The following FGF2 variants were observed in gnomAD, a reference collection of about 807,000 sequenced individuals.
The protein encoded by FGF2 is basic fibroblast growth factor bFGF.
A neutral mutation model predicts 15.9 loss-of-function variants in FGF2; 13 were observed. The observed-to-expected ratio is 0.82, with a 90% CI of 0.53 to 1.30. The LOEUF is 1.30. Among genes scored for constraint, FGF2 ranks in the 50% most tolerant of loss-of-function variants. FGF2 has a pLI of 0.00. For missense variants in FGF2, 163 were observed against 196.9 expected (o/e 0.83, Z 1.03); for synonymous variants, 90 against 78.4 (o/e 1.15, Z -0.78).
Position 122,827,516 on chromosome 4 carries a change from C to A in FGF2, c.178+164C>A, listed in dbSNP as rs1422280697. Among the ~76,000 whole-genome samples, 4 of 152,274 alleles carry A rather than the reference C, an allele frequency of 2.6e-5. No homozygotes were observed. In the East Asian group the frequency reaches 7.8e-4, roughly 30 times the overall value. On this transcript the variant is annotated intron_variant, in intron 1 of 2. Transcript: ENST00000644866. This position sits in a 1 kb window ranked among gnomAD's most constrained non-coding sequence, Gnocchi z 4.2. ...GGCGGTTTCGGGTTCACCACTCACCCCCTCCTTTCCGGGCTGCGGCGTAGG... is the reference window on the plus strand; with the variant it reads ...GGCGGTTTCGGGTTCACCACTCACCACCTCCTTTCCGGGCTGCGGCGTAGG...
At position 122,881,754 on chromosome 4, in the gene FGF2, C is replaced by T. The variant is rs149349771; in HGVS notation, c.282+5330C>T. 644 of 155,970 alleles carry T rather than the reference C, an allele frequency of 4.1e-3. 2 individuals are homozygous for T. The highest frequency in any genetic ancestry group is 7.3e-3 in the Non-Finnish European group (518 of 70,850). 9.7% of individuals were successfully genotyped at this position (155,970 alleles called of 1,614,324 possible). A position where few individuals can be genotyped will look rare whatever the true frequency, so the allele number is the denominator to read the frequency against. On this transcript the variant is annotated intron_variant, in intron 2 of 2. Coordinates refer to ENST00000644866, the MANE Select transcript of FGF2 (RefSeq NM_001361665.2). The stretch of plus-strand genomic sequence containing the variant: ...CCTATTCCAACCTTTGCCTGTTAAC[C>T]AGTTCCAAAGTCACTTCCACGTTTT...
upstream of FGF2, chr4:122,826,700 T>C (rs1488026632): frequency 1.6e-6 from 2 of 1,255,296 alleles, no homozygotes; most frequent in Admixed American, 8.2e-5. Context: ...ACCGCCGAAC[T>C]CAGAGGCCGG....
At chr4:122,878,489 G>A (rs1481753192) in intron 2 of FGF2, among the ~76,000 whole-genome samples, 1 of 152,184 alleles carries the variant, frequency 6.6e-6, no homozygotes, top group Non-Finnish European at 1.5e-5. Context: ...GTAACTAGGT[G>A]GAAGGGAAGG....
At chr4:122,880,559 T>C (rs1726942116) in intron 2 of FGF2, among the ~76,000 whole-genome samples, 2 of 152,014 alleles carry the variant, frequency 1.3e-5, no homozygotes, top group African/African-American at 4.8e-5. Flanking sequence ...AGCAGTCAAA[T>C]CTTAAAGCTC....
Position 122,892,507 on chromosome 4 carries a change from G to A in FGF2, c.*111G>A. On this transcript the variant is annotated 3_prime_UTR_variant, in exon 3 of 3. Coordinates refer to ENST00000644866, the MANE Select transcript of FGF2 (RefSeq NM_001361665.2). ...GTGTATAGCTCAGTTTGGATAATTG[G>A]TCAAACAATTTTTTATCCAGTAGTA... The A allele has an allele frequency of 6.5e-7, 1 of 1,542,344 alleles. No individual in the cohort carries two copies. Among genetic ancestry groups the A allele is most frequent in the Non-Finnish European group, 8.7e-7 (1 of 1,146,030 alleles).
At chr4:122,865,436 G>A (rs983920652) in intron 1 of FGF2, among the ~76,000 whole-genome samples, 4 of 152,174 alleles carry the variant, frequency 2.6e-5, no homozygotes, top group South Asian at 4.2e-4. Context: ...GATTACAGGC[G>A]CATGCCACCA....
Position 122,858,508 on chromosome 4 carries a change from C to T in FGF2, c.179-17813C>T, listed in dbSNP as rs186870780. Among the ~76,000 whole-genome samples the T allele has an allele frequency of 6.4e-4, 98 of 152,220 alleles. 2 individuals are homozygous for T. The South Asian group carries it at 6.8e-3, about 11-fold the overall frequency. On this transcript the variant is annotated intron_variant, in intron 1 of 2. Transcript: ENST00000644866. ...CGCCTCCTGGGTTCAAGTGATTCTC[C>T]TGCCTCAGCCTCCTGAGTAGCTGGG...
intron 1 of FGF2, chr4:122,840,253 A>G (rs1467882294): frequency 6.6e-6 from 1 of 152,188 alleles, no homozygotes; most frequent in Non-Finnish European, 1.5e-5. Flanking sequence ...TACTCTGTCT[A>G]GTTGTTCAGC....
intron 1 of FGF2, among the ~76,000 whole-genome samples, chr4:122,871,984 T>C (rs1726747129): frequency 1.3e-5 from 2 of 152,032 alleles, no homozygotes; most frequent in South Asian, 4.2e-4. Flanking sequence ...GATCGCAATG[T>C]CTCTCCATCA....
Position 122,827,450 on chromosome 4 carries a change from C to G in FGF2, c.178+98C>G, listed in dbSNP as rs1725666914. On this transcript the variant is annotated intron_variant, in intron 1 of 2. Coordinates refer to ENST00000644866, the MANE Select transcript of FGF2 (RefSeq NM_001361665.2). The surrounding 1 kb of genome is among the most constrained non-coding windows in gnomAD (Gnocchi z 4.2). ...GCACCCTCCTCCCGGATCTTCACTGCGACCCTAGCGCTCCGTGTGGTTTCT... is the reference window on the plus strand; with the variant it reads ...GCACCCTCCTCCCGGATCTTCACTGGGACCCTAGCGCTCCGTGTGGTTTCT... The G allele has an allele frequency of 2.9e-6, 4 of 1,369,488 alleles. No homozygotes were observed. Among genetic ancestry groups the G allele is most frequent in the Non-Finnish European group, 4.1e-6 (4 of 974,944 alleles). The allele number at this position is 1,369,488 out of a possible 1,614,324, so 84.8% of individuals were successfully genotyped here. A position where few individuals can be genotyped will look rare whatever the true frequency, so the allele number is the denominator to read the frequency against.
At chr4:122,848,598 G>T (rs1311399069) in intron 1 of FGF2, among the ~76,000 whole-genome samples, 1 of 152,130 alleles carries the variant, frequency 6.6e-6, no homozygotes, top group Non-Finnish European at 1.5e-5. Context: ...GTTGACCTGG[G>T]CCTCAGAGCC....
chr4:122,833,215 G>C (rs1725800218), intron 1 of FGF2, among the ~76,000 whole-genome samples: 1 of 151,528 alleles, frequency 6.6e-6, no homozygotes, highest in South Asian at 2.1e-4. Context: ...GTGTGTATTT[G>C]TATTTTTATA....
intron 1 of FGF2, 93 bp from the exon 2 acceptor site, chr4:122,876,228 C>T (rs1726842638): frequency 1.3e-6 from 1 of 799,414 alleles, no homozygotes; most frequent in Non-Finnish European, 2.2e-6. Flanking sequence ...TTAGTTGTTG[C>T]TTAGGTGTGT....
In FGF2 at chr4:122,827,517, C is replaced by A. The variant is rs1436694521; in HGVS notation, c.178+165C>A. On this transcript the variant is annotated intron_variant, in intron 1 of 2. Transcript: ENST00000644866. The surrounding 1 kb of genome is among the most constrained non-coding windows in gnomAD (Gnocchi z 4.2). ...GCGGTTTCGGGTTCACCACTCACCC[C>A]CTCCTTTCCGGGCTGCGGCGTAGGC... 3.3e-5 allele frequency among the ~76,000 whole-genome samples: 5 copies of A among 152,178 alleles called. No homozygotes were observed. Among genetic ancestry groups the A allele is most frequent in the Non-Finnish European group, 5.9e-5 (4 of 68,032 alleles).
rs137893435 is a variant in FGF2 at position 122,830,365 on chromosome 4, T to C, written c.178+3013T>C. ...GAGGAAAATTTTCTAAAAGAAGAGG[T>C]AGGAGAAGATGACACAACACAAATG... On this transcript the variant is annotated intron_variant, in intron 1 of 2. Coordinates refer to ENST00000644866, the MANE Select transcript of FGF2 (RefSeq NM_001361665.2). Among the ~76,000 whole-genome samples, 345 of 152,024 alleles carry C rather than the reference T, an allele frequency of 2.3e-3. 1 individual carries two copies. Among genetic ancestry groups the C allele is most frequent in the African/African-American group, 8.0e-3 (331 of 41,444 alleles).
rs1159924325 is a variant in FGF2 at position 122,895,676 on chromosome 4, G to A, written c.*3280G>A. Reference sequence around the variant, plus strand: ...GGGTATTATTTTATACAAAAGCCTTGAGGATTGCATTCTATTTTCTATATG... The same window carrying A: ...GGGTATTATTTTATACAAAAGCCTTAAGGATTGCATTCTATTTTCTATATG... On this transcript the variant is annotated 3_prime_UTR_variant, in exon 3 of 3. Transcript: ENST00000644866. 1 of 152,164 alleles carries A rather than the reference G, an allele frequency of 6.6e-6. No homozygotes were observed. Among genetic ancestry groups the A allele is most frequent in the Non-Finnish European group, 1.5e-5 (1 of 68,024 alleles). The allele number at this position is 152,164 out of a possible 1,614,324, so 9.4% of individuals were successfully genotyped here. A position where few individuals can be genotyped will look rare whatever the true frequency, so the allele number is the denominator to read the frequency against.
At chr4:122,863,770 G>T (rs74864526) in intron 1 of FGF2, among the ~76,000 whole-genome samples, 2,165 of 152,254 alleles carry the variant, frequency 0.014, 54 homozygotes, top group African/African-American at 0.049. Context: ...ACACCATAGT[G>T]GGGGCTGGTG....
upstream of FGF2, chr4:122,826,823 C>A: frequency 6.9e-7 from 1 of 1,459,018 alleles, no homozygotes; most frequent in East Asian, 2.9e-5. Flanking sequence ...CGCCGCGGCC[C>A]GGCGGGTGCC....
chr4:122,828,214 A>G (rs531290779), intron 1 of FGF2, among the ~76,000 whole-genome samples: 139 of 152,328 alleles, frequency 9.1e-4, no homozygotes, highest in African/African-American at 3.2e-3. Context: ...GGATTCCCTA[A>G]GTCTGGAGTG....
Sources: gnomAD v4.1 joint callset for allele counts (sites outside exome capture counted in the v4.1 genomes callset) on GRCh38, gnomAD v4.1.1 for gene constraint, Gnocchi (gnomAD v3.1) non-coding constraint, MANE v1.5 for transcripts, NCBI Gene and HGNC (gene_info 2026-07-23, HGNC 2026-07-21) for gene names.